Variants in ALK observed in about 807,000 individuals in gnomAD.
The protein encoded by ALK is ALK tyrosine kinase receptor.
ALK carries 74 observed loss-of-function variants against 163.1 expected under a neutral mutation model. That is an observed-to-expected ratio of 0.45 (90% CI 0.38 to 0.55). The LOEUF (loss-of-function observed/expected upper bound fraction) is 0.55, where lower values mean the gene tolerates loss of function less well. Ranked by LOEUF, ALK falls within the 20% of genes least tolerant of loss-of-function variation. The pLI, the probability that ALK is intolerant of heterozygous loss-of-function variation, is 0.00. For missense variants in ALK, 2,063 were observed against 2,105.3 expected (o/e 0.98, Z 0.39); for synonymous variants, 960 against 843.2 (o/e 1.14, Z -2.40).
intron 1 of ALK, among the ~76,000 whole-genome samples, chr2:29,760,523 T>C (rs1339912938): frequency 1.3e-5 from 2 of 152,030 alleles, no homozygotes; most frequent in Admixed American, 6.6e-5. Flanking sequence ...CTCACTAAGG[T>C]CCACCCTTCC....
chr2:29,375,464 G>A (rs1421373814), intron 5 of ALK, among the ~76,000 whole-genome samples: 3 of 151,940 alleles, frequency 2.0e-5, no homozygotes, highest in Non-Finnish European at 2.9e-5. Flanking sequence ...GACTACAGGC[G>A]CCCACCACCA....
intron 3 of ALK, among the ~76,000 whole-genome samples, chr2:29,629,783 G>C (rs1676304104): frequency 6.6e-6 from 1 of 152,150 alleles, no homozygotes; most frequent in African/African-American, 2.4e-5. Context: ...ACAGTTATTA[G>C]TCTCATTTTA....
chr2:29,817,548 A>G (rs1309825263), intron 1 of ALK, among the ~76,000 whole-genome samples: 1 of 152,166 alleles, frequency 6.6e-6, no homozygotes, highest in Non-Finnish European at 1.5e-5. Context: ...CACAATGGAG[A>G]GTCAAAACAG....
chr2:29,555,151 T>C (rs1673815197), intron 3 of ALK, among the ~76,000 whole-genome samples: 1 of 152,164 alleles, frequency 6.6e-6, no homozygotes. Context: ...TCACCCTGAA[T>C]TCTTCTTGTA....
At chr2:29,525,680 C>A (rs1327222261) in intron 4 of ALK, among the ~76,000 whole-genome samples, 1 of 151,094 alleles carries the variant, frequency 6.6e-6, no homozygotes, top group Non-Finnish European at 1.5e-5. Flanking sequence ...ATCCCAGCTA[C>A]TCAGGAGGCT....
chr2:29,520,168 C>CT (rs1451195831), intron 4 of ALK, among the ~76,000 whole-genome samples: 1 of 152,108 alleles, frequency 6.6e-6, no homozygotes, highest in East Asian at 1.9e-4. Context: ...TAACATAGGC[C>CT]AGCATTTGCT....
chr2:29,823,833 G>A (rs766170914), intron 1 of ALK, among the ~76,000 whole-genome samples: 29 of 152,200 alleles, frequency 1.9e-4, no homozygotes, highest in African/African-American at 7.0e-4. Context: ...CATTTTCTGA[G>A]GGGAAATTCA....
chr2:29,589,709 G>A (rs755728621), intron 3 of ALK, among the ~76,000 whole-genome samples: 12 of 152,180 alleles, frequency 7.9e-5, no homozygotes, highest in Non-Finnish European at 1.8e-4. Flanking sequence ...CTCGTTCATG[G>A]TTACAGCTCG....
intron 1 of ALK, among the ~76,000 whole-genome samples, chr2:29,799,767 T>G (rs1664415679): frequency 6.6e-6 from 1 of 152,010 alleles, no homozygotes; most frequent in African/African-American, 2.4e-5. Context: ...AAAAATACAT[T>G]AAAAATCATC....
intron 5 of ALK, among the ~76,000 whole-genome samples, chr2:29,329,071 C>T (rs961808207): frequency 2.6e-5 from 4 of 152,144 alleles, no homozygotes; most frequent in African/African-American, 9.7e-5. Context: ...TGACCATGTC[C>T]CTTCTCTGTG....
chr2:29,429,029 A>G (rs1405904763), intron 4 of ALK, among the ~76,000 whole-genome samples: 2 of 152,050 alleles, frequency 1.3e-5, no homozygotes, highest in Non-Finnish European at 2.9e-5. Flanking sequence ...CAGACGCAGA[A>G]AGAAGATTCA....
chr2:29,207,089 C>G (rs1669330397), intron 26 of ALK, 82 bp downstream of exon 26: 8 of 1,099,114 alleles, frequency 7.3e-6, no homozygotes, highest in Non-Finnish European at 1.1e-5. Context: ...ACACGGGCTC[C>G]CGGCTTAGAG....
intron 23 of ALK, among the ~76,000 whole-genome samples, chr2:29,216,187 G>C (rs894266950): frequency 1.3e-5 from 2 of 152,216 alleles, no homozygotes; most frequent in Non-Finnish European, 2.9e-5. Context: ...CTGGAGTGCA[G>C]CACTTCCTCG....
At position 29,853,910 on chromosome 2, in the gene ALK, TTTC is replaced by T. The variant is rs991157448; in HGVS notation, c.667+66080_667+66082del. Among the ~76,000 whole-genome samples, 34 of 52,388 alleles carry T rather than the reference TTTC, an allele frequency of 6.5e-4. No individual in the cohort carries two copies. The East Asian group carries it at 0.016, about 25-fold the overall frequency. The allele number at this position is 52,388 out of a possible 152,430, so 34.4% of individuals were successfully genotyped here. A position where few individuals can be genotyped will look rare whatever the true frequency, so the allele number is the denominator to read the frequency against. ...GACAAGAAAGTTTTCTTTCTTTTCT[TTTC>T]TTTTTTTTTTTCCTGAGACAGAGTC... On this transcript the variant is annotated intron_variant, in intron 1 of 28. Transcript: ENST00000389048.
intron 3 of ALK, among the ~76,000 whole-genome samples, chr2:29,566,368 T>G (rs976807458): frequency 1.3e-5 from 2 of 152,210 alleles, no homozygotes; most frequent in African/African-American, 2.4e-5. Context: ...CAACATCAAT[T>G]TGCTGCACCC....
intron 4 of ALK, among the ~76,000 whole-genome samples, chr2:29,417,594 A>G (rs977971124): frequency 6.6e-6 from 1 of 152,212 alleles, no homozygotes; most frequent in African/African-American, 2.4e-5. Context: ...CCGAGATCAC[A>G]TGGCTAGTGA....
At chr2:29,223,652 A>G (rs2148171569) in intron 19 of ALK, 124 bp from the exon 20 acceptor site, 1 of 835,604 alleles carries the variant, frequency 1.2e-6, no homozygotes, top group Non-Finnish European at 1.9e-6. Context: ...GAACCTTTCC[A>G]TCATACTTAG....
chr2:29,480,790 TAAA>T (rs11289018), intron 4 of ALK, among the ~76,000 whole-genome samples: 358 of 74,542 alleles, frequency 4.8e-3, no homozygotes, highest in African/African-American at 9.5e-3. Flanking sequence ...ACAGACATCT[TAAA>T]AAAAAAAAAA....
chr2:29,774,142 A>G (rs1681105385), intron 1 of ALK, among the ~76,000 whole-genome samples: 1 of 152,206 alleles, frequency 6.6e-6, no homozygotes, highest in African/African-American at 2.4e-5. Context: ...GGTGCTATTT[A>G]CAAACAGGAT....
Sources: allele counts gnomAD v4.1 joint callset (sites outside exome capture counted in the v4.1 genomes callset), GRCh38; gene constraint gnomAD v4.1.1; transcripts MANE v1.5; gene names NCBI Gene and HGNC (gene_info 2026-07-23, HGNC 2026-07-21).